Variants in IMMP2L observed in about 807,000 individuals in gnomAD.
IMMP2L encodes the protein mitochondrial inner membrane protease subunit 2.
IMMP2L carries 18 observed loss-of-function variants against 19.3 expected under a neutral mutation model. The observed-to-expected ratio is 0.93, with a 90% CI of 0.64 to 1.38. IMMP2L has a LOEUF of 1.38. IMMP2L is among the 40% of genes most tolerant of loss of function. The probability of loss-of-function intolerance (pLI) is 0.00; values close to 1 mark genes in which losing one functional copy is unlikely to be tolerated. For missense variants in IMMP2L, 233 were observed against 218.2 expected, an observed-to-expected ratio of 1.07 and a Z score of -0.43; for synonymous variants, 76 against 73.0, an observed-to-expected ratio of 1.04 and a Z score of -0.21.
intron 3 of IMMP2L, among the ~76,000 whole-genome samples, chr7:111,288,016 T>C (rs1790803999): frequency 6.6e-6 from 1 of 152,194 alleles, no homozygotes; most frequent in Admixed American, 6.5e-5. Flanking sequence ...CATCAAAAAT[T>C]ACCAACATTA....
At chr7:111,385,261 G>A (rs758708166) in intron 3 of IMMP2L, among the ~76,000 whole-genome samples, 10 of 152,076 alleles carry the variant, frequency 6.6e-5, no homozygotes, top group Non-Finnish European at 1.2e-4. Context: ...CAAGTGGTTG[G>A]TACCCTAACC....
chr7:111,553,541 C>T (rs2133116582), intron 1 of IMMP2L, among the ~76,000 whole-genome samples: 1 of 152,186 alleles, frequency 6.6e-6, no homozygotes, highest in Non-Finnish European at 1.5e-5. Context: ...AAACACTTAA[C>T]ACATTTAGAG....
chr7:111,454,778 T>C (rs1839538935), intron 3 of IMMP2L, among the ~76,000 whole-genome samples: 1 of 152,014 alleles, frequency 6.6e-6, no homozygotes. Context: ...TTAAATTCAA[T>C]TTACTGACCC....
At chr7:111,203,241 AT>A (rs1425603051) in intron 3 of IMMP2L, among the ~76,000 whole-genome samples, 1 of 152,182 alleles carries the variant, frequency 6.6e-6, no homozygotes, top group Non-Finnish European at 1.5e-5. Context: ...TTCAATAAAC[AT>A]TTATTGAGGG....
intron 4 of IMMP2L, among the ~76,000 whole-genome samples, chr7:110,890,342 G>A (rs1563057819): frequency 6.6e-6 from 1 of 152,086 alleles, no homozygotes; most frequent in Non-Finnish European, 1.5e-5. Context: ...CTAATACAGA[G>A]TGGTTTCCTA....
intron 3 of IMMP2L, among the ~76,000 whole-genome samples, chr7:110,980,567 A>G (rs1821196083): frequency 6.6e-6 from 1 of 152,136 alleles, no homozygotes; most frequent in South Asian, 2.1e-4. Context: ...AGTTGAGGAA[A>G]GACATGAAAC....
In IMMP2L at chr7:111,229,870, G is replaced by GA. The variant is rs111703879; in HGVS notation, c.239+257367dup. Among the ~76,000 whole-genome samples the GA allele has an allele frequency of 3.6e-3, 553 of 152,066 alleles. 3 individuals carry two copies. Among genetic ancestry groups the GA allele is most frequent in the African/African-American group, 0.012 (514 of 41,518 alleles). ...GAATGTTACATTGGAGAAATGCTCA[G>GA]AAAAAAGCCCAAGTGTAAAGAACGG... On this transcript the variant is annotated intron_variant, in intron 3 of 5. Transcript: ENST00000405709.
chr7:111,540,862 C>T (rs938602244), intron 1 of IMMP2L, among the ~76,000 whole-genome samples: 3 of 152,152 alleles, frequency 2.0e-5, no homozygotes, highest in Non-Finnish European at 4.4e-5. Flanking sequence ...ACATTCCACT[C>T]CTTTAAATGC....
chr7:110,994,750 C>T (rs1822858836), intron 3 of IMMP2L, among the ~76,000 whole-genome samples: 1 of 152,154 alleles, frequency 6.6e-6, no homozygotes, highest in Non-Finnish European at 1.5e-5. Context: ...ATGCAACCAT[C>T]TAAATAATAG....
chr7:110,721,308 C>T (rs1038814450), intron 5 of IMMP2L, among the ~76,000 whole-genome samples: 5 of 151,932 alleles, frequency 3.3e-5, no homozygotes, highest in East Asian at 1.9e-4. Context: ...TAATGCATTG[C>T]GAAGTGTTTG....
chr7:111,366,040 A>C (rs750054051), intron 3 of IMMP2L, among the ~76,000 whole-genome samples: 3 of 152,082 alleles, frequency 2.0e-5, no homozygotes, highest in Non-Finnish European at 4.4e-5. Flanking sequence ...CAACCATGAC[A>C]ATAAAGCCTG....
At chr7:111,287,692 G>A (rs535019408) in intron 3 of IMMP2L, among the ~76,000 whole-genome samples, 1 of 152,192 alleles carries the variant, frequency 6.6e-6, no homozygotes, top group East Asian at 1.9e-4. Flanking sequence ...TCTGATTCGG[G>A]CCCAGAGTTG....
At chr7:111,351,074 C>G (rs1246243790) in intron 3 of IMMP2L, among the ~76,000 whole-genome samples, 1 of 152,102 alleles carries the variant, frequency 6.6e-6, no homozygotes, top group Non-Finnish European at 1.5e-5. Context: ...AAGTAAAAAG[C>G]TTACTTAATA....
At chr7:111,201,296 G>A (rs905311722) in intron 3 of IMMP2L, among the ~76,000 whole-genome samples, 17 of 150,136 alleles carry the variant, frequency 1.1e-4, no homozygotes, top group Middle Eastern at 3.5e-3. Flanking sequence ...AAAAAAAACT[G>A]CGTCAATTTC....
At position 110,803,492 on chromosome 7, in the gene IMMP2L, A is replaced by G. The variant is rs7801230; in HGVS notation, c.408+83101T>C. Among the ~76,000 whole-genome samples the G allele has an allele frequency of 7.4e-4, 112 of 152,236 alleles. No individual in the cohort carries two copies. The highest frequency in any genetic ancestry group is 2.5e-3 in the African/African-American group (105 of 41,556). On this transcript the variant is annotated intron_variant, in intron 5 of 5. Coordinates refer to ENST00000405709, the MANE Select transcript of IMMP2L (RefSeq NM_032549.4). This position sits in a 1 kb window ranked among gnomAD's most constrained non-coding sequence, Gnocchi z 4.2. ...TAGAGAGTAGGAATCAATGGGATCA[A>G]TGTGTACACAGGGAGAAGGAGAAAG... is the stretch of plus-strand genomic sequence containing the variant.
chr7:110,908,534 A>G (rs1165398384), intron 4 of IMMP2L, among the ~76,000 whole-genome samples: 1 of 152,226 alleles, frequency 6.6e-6, no homozygotes, highest in Non-Finnish European at 1.5e-5. Context: ...TAATGATACT[A>G]AAAGTGTATT....
rs564010264 is a variant in IMMP2L at position 110,919,973 on chromosome 7, T to G, written c.306-33278A>C. On this transcript the variant is annotated intron_variant, in intron 4 of 5. Coordinates refer to ENST00000405709, the MANE Select transcript of IMMP2L (RefSeq NM_032549.4). ...ACTTGGCTTGCTGAGTCTTCTGGCC[T>G]TCATCTTCTGTGCTGGATGCTTCCT... Among the ~76,000 whole-genome samples the G allele has an allele frequency of 1.5e-4, 23 of 152,286 alleles. 1 individual carries two copies. The South Asian group carries it at 4.8e-3, about 32-fold the overall frequency.
chr7:111,031,309 CT>C (rs1243144079), intron 3 of IMMP2L, among the ~76,000 whole-genome samples: 2 of 150,914 alleles, frequency 1.3e-5, no homozygotes, highest in East Asian at 3.9e-4. Context: ...AGGGATGCTT[CT>C]AGGACAAGAA....
intron 4 of IMMP2L, among the ~76,000 whole-genome samples, chr7:110,911,026 C>A (rs1813006157): frequency 6.6e-6 from 1 of 152,024 alleles, no homozygotes; most frequent in Non-Finnish European, 1.5e-5. Context: ...ATAATTTACT[C>A]TTCAATATAT....
Sources: allele counts gnomAD v4.1 joint callset (sites outside exome capture counted in the v4.1 genomes callset), GRCh38; gene constraint gnomAD v4.1.1; non-coding constraint Gnocchi (gnomAD v3.1); transcripts MANE v1.5; gene names NCBI Gene and HGNC (gene_info 2026-07-23, HGNC 2026-07-21).